Variants in PFDN1 observed in about 807,000 individuals in gnomAD.
The protein encoded by PFDN1 is prefoldin subunit 1, also known as prefoldin 1.
PFDN1 carries 6 observed loss-of-function variants against 17.3 expected under a neutral mutation model. That is an observed-to-expected ratio of 0.35 (90% CI 0.19 to 0.69). The LOEUF (loss-of-function observed/expected upper bound fraction) is 0.69, where lower values mean the gene tolerates loss of function less well. Among genes scored for constraint, PFDN1 ranks in the 30% least tolerant of loss-of-function variants. The pLI is 0.65. For synonymous variants in PFDN1, 58 were observed against 50.1 expected, an observed-to-expected ratio of 1.16 and a Z score of -0.67; for missense variants, 113 against 146.2, an observed-to-expected ratio of 0.77 and a Z score of 1.17.
At chr5:140,251,734 A>T (rs1235603107) in intron 3 of PFDN1, among the ~76,000 whole-genome samples, 1 of 152,222 alleles carries the variant, frequency 6.6e-6, no homozygotes, top group African/African-American at 2.4e-5. Flanking sequence ...TGTGGGGCTC[A>T]GCATGGCCAG....
chr5:140,245,577 C>T lies in PFDN1; in HGVS notation c.*397G>A. On this transcript the variant is annotated 3_prime_UTR_variant, in exon 4 of 4. Transcript: ENST00000261813. ...GGAGCAGGAGCTGAGGTGGAGACGG[C>T]CACTGCCTCTCTCACCCTCTGTTCC... 1.4e-6 allele frequency: 1 copy of T among 702,444 alleles called. No individual in the cohort carries two copies. Among genetic ancestry groups the T allele is most frequent in the Non-Finnish European group, 2.6e-6 (1 of 384,982 alleles). The allele number at this position is 702,444 out of a possible 1,614,324, so 43.5% of individuals were successfully genotyped here.
intron 2 of PFDN1, among the ~76,000 whole-genome samples, chr5:140,285,256 G>A (rs1765468140): frequency 6.6e-6 from 1 of 151,538 alleles, no homozygotes; most frequent in African/African-American, 2.4e-5. Context: ...CTATCTTCAG[G>A]AGAATGGCGT....
At chr5:140,289,250 C>T (rs1015562890) in intron 2 of PFDN1, among the ~76,000 whole-genome samples, 11 of 150,592 alleles carry the variant, frequency 7.3e-5, no homozygotes, top group African/African-American at 2.7e-4. Flanking sequence ...CACACTACTG[C>T]ATTTCTAGAC....
At chr5:140,258,023 A>G (rs1428869815) in intron 3 of PFDN1, among the ~76,000 whole-genome samples, 1 of 152,170 alleles carries the variant, frequency 6.6e-6, no homozygotes, top group Non-Finnish European at 1.5e-5. Context: ...GGAGAACTGA[A>G]TGTCAACCAG....
At chr5:140,249,202 A>C (rs1458252543) in intron 3 of PFDN1, among the ~76,000 whole-genome samples, 1 of 152,266 alleles carries the variant, frequency 6.6e-6, no homozygotes, top group Non-Finnish European at 1.5e-5. Context: ...AATCTCTGGT[A>C]ATTTGGAAAG....
intron 3 of PFDN1, among the ~76,000 whole-genome samples, chr5:140,261,098 G>A (rs1014730587): frequency 5.0e-5 from 7 of 139,764 alleles, no homozygotes; most frequent in Admixed American, 1.5e-4. Flanking sequence ...GGAGGCGGAA[G>A]TTACAATGAG....
At position 140,246,012 on chromosome 5, in the gene PFDN1, T is replaced by G; in HGVS notation, c.331A>C (p.Asn111His). The change falls in exon 4 of 4, where the codon AAC becomes CAC. Residue 111 changes from asparagine (N) to histidine (H), a missense_variant. Physicochemically the swap from Asn to His is moderately conservative, Grantham distance 68. Transcript: ENST00000261813. ...LERSVKEAED[N>H]IREMLMARRA... ...CGTGCCATCAGCATCTCCCGGATGTTGTCCTCAGCTTCCTTAACGCTTCGC... is the reference window on the plus strand; with the variant it reads ...CGTGCCATCAGCATCTCCCGGATGTGGTCCTCAGCTTCCTTAACGCTTCGC... 6.4e-7 allele frequency: 1 copy of G among 1,563,376 alleles called. No homozygotes were observed. The highest frequency in any genetic ancestry group is 1.7e-4 in the Middle Eastern group (1 of 5,998).
intron 3 of PFDN1, chr5:140,273,799 C>A: frequency 2.3e-6 from 1 of 442,200 alleles, no homozygotes; most frequent in Non-Finnish European, 3.0e-6. Flanking sequence ...CTGAGCTAAC[C>A]AGGGTGGTGA....
intron 3 of PFDN1, among the ~76,000 whole-genome samples, chr5:140,272,147 G>A (rs1000639290): frequency 1.3e-5 from 2 of 151,446 alleles, no homozygotes; most frequent in Non-Finnish European, 2.9e-5. Flanking sequence ...AGCCTCCCGA[G>A]TAGCTGGGGC....
chr5:140,295,636 G>A (rs191518285), intron 2 of PFDN1, among the ~76,000 whole-genome samples: 8 of 152,252 alleles, frequency 5.3e-5, no homozygotes, highest in Non-Finnish European at 1.0e-4. Flanking sequence ...CTGGCAACAC[G>A]CCAAAAGACT....
rs1425211249 is a variant in PFDN1 at position 140,254,456 on chromosome 5, C to T, written c.286-8399G>A. 6.6e-6 allele frequency among the ~76,000 whole-genome samples: 1 copy of T among 152,144 alleles called. No individual in the cohort carries two copies. The highest frequency in any genetic ancestry group is 1.5e-5 in the Non-Finnish European group (1 of 68,032). On this transcript the variant is annotated intron_variant, in intron 3 of 3. Transcript: ENST00000261813. This position sits in a 1 kb window ranked among gnomAD's most constrained non-coding sequence, Gnocchi z 4.4. ...AGTTCATGGCATCATGCTTAGCCAC[C>T]GGACTCCCCCCTCCTTGTTGCTTCA... is the stretch of plus-strand genomic sequence containing the variant.
At chr5:140,263,974 T>C (rs990851589) in intron 3 of PFDN1, among the ~76,000 whole-genome samples, 14 of 127,970 alleles carry the variant, frequency 1.1e-4, no homozygotes, top group African/African-American at 4.0e-4. Flanking sequence ...TGAGCCGAGA[T>C]TGCGCCACTG....
chr5:140,256,711 G>A (rs1228036927), intron 3 of PFDN1, among the ~76,000 whole-genome samples: 2 of 138,572 alleles, frequency 1.4e-5, no homozygotes, highest in Non-Finnish European at 3.1e-5. Context: ...GACCCTACAT[G>A]GCACATCCCT....
At chr5:140,269,606 A>ATAGCCTATAG (rs1765177906) in intron 3 of PFDN1, among the ~76,000 whole-genome samples, 1 of 152,272 alleles carries the variant, frequency 6.6e-6, no homozygotes, top group African/African-American at 2.4e-5. Flanking sequence ...GGCGTGAGCC[A>ATAGCCTATAG]CCGTGACCCG....
intron 3 of PFDN1, among the ~76,000 whole-genome samples, chr5:140,253,676 C>T (rs1026083882): frequency 6.6e-6 from 1 of 152,180 alleles, no homozygotes; most frequent in Non-Finnish European, 1.5e-5. Context: ...TCTGCAGGCA[C>T]CAGGTGTAAA....
At chr5:140,278,136 A>T (rs1477303863) in intron 3 of PFDN1, among the ~76,000 whole-genome samples, 1 of 151,498 alleles carries the variant, frequency 6.6e-6, no homozygotes, top group African/African-American at 2.4e-5. Context: ...TGAACCCAGA[A>T]GGCGGAGGCT....
chr5:140,270,741 T>C (rs1480659203), intron 3 of PFDN1, among the ~76,000 whole-genome samples: 4 of 152,086 alleles, frequency 2.6e-5, no homozygotes, highest in Non-Finnish European at 5.9e-5. Context: ...CTGGCTAACA[T>C]GGTGAAACCC....
chr5:140,300,354 T>C lies in PFDN1; in HGVS notation c.200+62A>G, dbSNP rs979837111. 8 of 1,273,894 alleles carry C rather than the reference T, an allele frequency of 6.3e-6. No individual in the cohort carries two copies. The South Asian group carries it at 8.2e-5, about 13-fold the overall frequency. The allele number at this position is 1,273,894 out of a possible 1,614,324, so 78.9% of individuals were successfully genotyped here. A position where few individuals can be genotyped will look rare whatever the true frequency, so the allele number is the denominator to read the frequency against. ...TAACCCAAGTTTTAAGATGAACAAATTCTATTTAACTCGGACAAAAGCACT... is the reference window on the plus strand; with the variant it reads ...TAACCCAAGTTTTAAGATGAACAAACTCTATTTAACTCGGACAAAAGCACT... On this transcript the variant is annotated intron_variant, in intron 2 of 3. Coordinates refer to ENST00000261813, the MANE Select transcript of PFDN1 (RefSeq NM_002622.5).
At chr5:140,283,600 C>G (rs1345789277) in intron 2 of PFDN1, among the ~76,000 whole-genome samples, 1 of 152,176 alleles carries the variant, frequency 6.6e-6, no homozygotes, top group African/African-American at 2.4e-5. Context: ...TGTATATTTA[C>G]AGGAAAGAGA....
Sources: gnomAD v4.1 joint callset for allele counts (sites outside exome capture counted in the v4.1 genomes callset) on GRCh38, gnomAD v4.1.1 for gene constraint, Gnocchi (gnomAD v3.1) non-coding constraint, MANE v1.5 for transcripts, NCBI Gene and HGNC (gene_info 2026-07-23, HGNC 2026-07-21) for gene names.